The following ZC3H4 variants were observed in gnomAD, a reference collection of about 807,000 sequenced individuals.
The protein encoded by ZC3H4 is zinc finger CCCH domain-containing protein 4.
A neutral mutation model predicts 108.3 loss-of-function variants in ZC3H4; 13 were observed. That is an observed-to-expected ratio of 0.12 (90% CI 0.08 to 0.19). The LOEUF is 0.19. Among genes scored for constraint, ZC3H4 ranks in the 10% least tolerant of loss-of-function variants. ZC3H4 has a pLI of 1.00. For synonymous variants in ZC3H4, 917 were observed against 749.6 expected (o/e 1.22, Z -3.65); for missense variants, 1,734 against 1,838.8 (o/e 0.94, Z 1.04).
intron 2 of ZC3H4, among the ~76,000 whole-genome samples, chr19:47,097,609 G>A (rs1054876815): frequency 6.6e-6 from 1 of 152,168 alleles, no homozygotes; most frequent in East Asian, 1.9e-4. Flanking sequence ...GGCCACCAGC[G>A]CGACGGCACA....
In ZC3H4 at chr19:47,072,649, T is replaced by A; in HGVS notation, c.1505A>T (p.Gln502Leu). ...CGGTTTGGGCAGGGGGTTGATGCCC[T>A]GCTTCTTCAGTTCCTCCACCTCCTT... ...DEKEVEELKK[Q>L]GINPLPKPPP... is the part of the protein sequence containing the mutation. Residue 502 changes from glutamine to leucine, a missense_variant, in exon 12 of 15, where the codon CAG (glutamine) becomes CTG (leucine). Physicochemically the swap from Gln to Leu is moderately radical, Grantham distance 113. Coordinates refer to ENST00000253048, the MANE Select transcript of ZC3H4 (RefSeq NM_015168.2). The surrounding 1 kb of genome is among the most constrained non-coding windows in gnomAD (Gnocchi z 5.6). The A allele has an allele frequency of 1.2e-6, 2 of 1,613,472 alleles. No individual in the cohort carries two copies. Among genetic ancestry groups the A allele is most frequent in the Non-Finnish European group, 8.5e-7 (1 of 1,179,950 alleles).
chr19:47,072,621 G>A lies in ZC3H4; in HGVS notation c.1533C>T (p.Pro511=), dbSNP rs371387941. The part of the protein sequence containing the change: ...KQGINPLPKP[P]PGVGLLPTPP... ...GGGTGGGCAGGAGGCCCACACCAGGGGGCGGTTTGGGCAGGGGGTTGATGC... is the reference window on the plus strand; with the variant it reads ...GGGTGGGCAGGAGGCCCACACCAGGAGGCGGTTTGGGCAGGGGGTTGATGC... The change falls in exon 12 of 15, where the codon CCC becomes CCT. Residue 511 remains proline (P), a synonymous_variant. Coordinates refer to ENST00000253048, the MANE Select transcript of ZC3H4 (RefSeq NM_015168.2). This position sits in a 1 kb window ranked among gnomAD's most constrained non-coding sequence, Gnocchi z 5.6. The A allele has an allele frequency of 5.8e-5, 93 of 1,611,248 alleles. No individual in the cohort carries two copies. The highest frequency in any genetic ancestry group is 7.0e-5 in the Non-Finnish European group (82 of 1,179,302).
Position 47,102,606 on chromosome 19 carries a change from G to A in ZC3H4, c.162-7998C>T, listed in dbSNP as rs370789779. 2.0e-4 allele frequency among the ~76,000 whole-genome samples: 30 copies of A among 152,194 alleles called. No individual in the cohort carries two copies. The East Asian group carries it at 4.6e-3, about 23-fold the overall frequency. On this transcript the variant is annotated intron_variant, in intron 2 of 14. Transcript: ENST00000253048. ...AACACAAGCACTTAGCAGGAACCTTGCCCAGAATAAATGCTTAGGAGTAAA... is the reference window on the plus strand; with the variant it reads ...AACACAAGCACTTAGCAGGAACCTTACCCAGAATAAATGCTTAGGAGTAAA...
intron 11 of ZC3H4, among the ~76,000 whole-genome samples, chr19:47,076,323 G>A (rs73943614): frequency 0.055 from 4,058 of 74,016 alleles, 150 homozygotes; most frequent in African/African-American, 0.14. Flanking sequence ...GTGCGCGCGC[G>A]CGCACACACA....
intron 3 of ZC3H4, 31 bp from the exon 4 acceptor site, chr19:47,094,111 C>T (rs755731633): frequency 7.5e-6 from 12 of 1,605,244 alleles, no homozygotes; most frequent in Non-Finnish European, 1.0e-5. Flanking sequence ...GACTCAGCAA[C>T]CTGCCACAGG....
In ZC3H4 at chr19:47,112,475, C is replaced by G; in HGVS notation, c.110G>C (p.Arg37Pro). Residue 37 changes from arginine to proline, a missense_variant, in exon 2 of 15, where the codon CGC becomes CCC. Around this residue, in one of 9 missense-constraint regions of ZC3H4, gnomAD observed 112 missense variants for 73.3 expected, o/e 1.53. Transcript: ENST00000253048. ...PSPPPCSPDA[R>P]PATPHLLHHR... ...GTGGAGGAGGTGCGGGGTGGCCGGG[C>G]GGGCGTCGGGGGAACACGGAGGAGG... is the stretch of plus-strand genomic sequence containing the variant. 4 of 928,708 alleles carry G rather than the reference C, an allele frequency of 4.3e-6. No homozygotes were observed. The highest frequency in any genetic ancestry group is 5.7e-6 in the Non-Finnish European group (4 of 704,088). 57.5% of individuals were successfully genotyped at this position (928,708 alleles called of 1,614,324 possible).
rs892918274 is a variant in ZC3H4, at chr19:47,079,535, C to A, written c.1440+1978G>T. Among the ~76,000 whole-genome samples, 5 of 151,968 alleles carry A rather than the reference C, an allele frequency of 3.3e-5. No homozygotes were observed. The South Asian group carries it at 1.0e-3, about 32-fold the overall frequency. ...GAGATCAGTGAGTCCTCCCAAGGAG[C>A]CGTGAGGCCTGACTGGCCACTGCTT... is the stretch of plus-strand genomic sequence containing the variant. On this transcript the variant is annotated intron_variant, in intron 11 of 14. Transcript: ENST00000253048.
chr19:47,109,978 T>C lies in ZC3H4; in HGVS notation c.161+2446A>G, dbSNP rs2058017622. ...GGGGACTGGGGGCTGGAGGAGGTGTTCCCTCCAACATGACTGGGCGTGTAA... is the reference window on the plus strand; with the variant it reads ...GGGGACTGGGGGCTGGAGGAGGTGTCCCCTCCAACATGACTGGGCGTGTAA... On this transcript the variant is annotated intron_variant, in intron 2 of 14. Transcript: ENST00000253048. Among the ~76,000 whole-genome samples, 3 of 152,088 alleles carry C rather than the reference T, an allele frequency of 2.0e-5. No individual in the cohort carries two copies. In the South Asian group the frequency reaches 6.2e-4, roughly 32 times the overall value.
intron 4 of ZC3H4, among the ~76,000 whole-genome samples, chr19:47,091,197 G>A (rs913078710): frequency 1.3e-5 from 2 of 152,134 alleles, no homozygotes; most frequent in Admixed American, 6.5e-5. Flanking sequence ...GCTTGAACCC[G>A]CGAGGCAGAG....
At chr19:47,096,963 G>A in intron 2 of ZC3H4, 4 of 985,384 alleles carry the variant, frequency 4.1e-6, no homozygotes, top group Non-Finnish European at 4.8e-6. Context: ...GTCAGCTGAG[G>A]CCTCCTTCCC....
At chr19:47,102,032 T>A (rs916562388) in intron 2 of ZC3H4, among the ~76,000 whole-genome samples, 3 of 151,796 alleles carry the variant, frequency 2.0e-5, no homozygotes, top group African/African-American at 7.3e-5. Flanking sequence ...AGACTTCGTC[T>A]CAAAAAAAAA....
rs2057328966 is a variant in ZC3H4 at position 47,071,741 on chromosome 19, T to C, written c.2146+37A>G. 3.9e-6 allele frequency: 6 copies of C among 1,555,396 alleles called. No individual in the cohort carries two copies. The East Asian group carries it at 1.3e-4, about 35-fold the overall frequency. On this transcript the variant is annotated intron_variant, in intron 13 of 14. Transcript: ENST00000253048. ...CAACTCTGCTCCACTGGGTAAAGCC[T>C]GCAGCCCCAGGCAGCCACACCTGGA...
intron 2 of ZC3H4, among the ~76,000 whole-genome samples, chr19:47,100,517 C>A (rs1308695067): frequency 6.6e-6 from 1 of 151,626 alleles, no homozygotes; most frequent in African/African-American, 2.4e-5. Context: ...GTACCCTGTA[C>A]CCTACACCCT....
chr19:47,080,415 T>C (rs2057500050), intron 11 of ZC3H4, among the ~76,000 whole-genome samples: 1 of 152,184 alleles, frequency 6.6e-6, no homozygotes, highest in Non-Finnish European at 1.5e-5. Flanking sequence ...TAATGCATAA[T>C]GGGGGCCCTG....
chr19:47,103,351 G>A (rs2057926965), intron 2 of ZC3H4, among the ~76,000 whole-genome samples: 1 of 152,114 alleles, frequency 6.6e-6, no homozygotes, highest in South Asian at 2.1e-4. Flanking sequence ...CACCCAGGCT[G>A]GAGTGCAGTG....
rs913364939 is a variant in ZC3H4 at position 47,067,058 on chromosome 19, G to A, written c.3210C>T (p.Asp1070=). 31 of 1,608,398 alleles carry A rather than the reference G, an allele frequency of 1.9e-5. 1 individual carries two copies. The highest frequency in any genetic ancestry group is 2.5e-5 in the Non-Finnish European group (29 of 1,177,540). Residue 1070 remains aspartate, a synonymous_variant, in exon 15 of 15, where the codon GAC becomes GAT. Coordinates refer to ENST00000253048, the MANE Select transcript of ZC3H4 (RefSeq NM_015168.2). This position sits in a 1 kb window ranked among gnomAD's most constrained non-coding sequence, Gnocchi z 6.4. ...CGGTGGGGGCCTTCCGCACCCGGGG[G>A]TCACTGGGTTTGTCGCTGGAACCGG... is the stretch of plus-strand genomic sequence containing the variant. ...AAPGSSDKPS[D]PRVRKAPTDP...
At chr19:47,098,307 C>T (rs776607690) in intron 2 of ZC3H4, among the ~76,000 whole-genome samples, 18 of 151,218 alleles carry the variant, frequency 1.2e-4, no homozygotes, top group Non-Finnish European at 2.5e-4. Context: ...CTGGCCAACA[C>T]GGCAAAACCT....
intron 11 of ZC3H4, among the ~76,000 whole-genome samples, chr19:47,076,582 G>A (rs1034906129): frequency 5.3e-5 from 8 of 152,206 alleles, no homozygotes; most frequent in African/African-American, 1.4e-4. Context: ...CAGGCCAAGC[G>A]CAGTGGCTCA....
rs1157758717 is a variant in ZC3H4 at position 47,066,462 on chromosome 19, C to T, written c.3806G>A (p.Ser1269Asn). The T allele has an allele frequency of 1.3e-6, 2 of 1,580,678 alleles. No individual in the cohort carries two copies. Among genetic ancestry groups the T allele is most frequent in the Non-Finnish European group, 8.6e-7 (1 of 1,163,734 alleles). The change falls in exon 15 of 15, where the codon AGC becomes AAC. Residue 1269 changes from serine to asparagine, a missense_variant. This residue lies in a region of ZC3H4 where 518 missense variants were observed against 499.6 expected (regional missense o/e 1.04). Transcript: ENST00000253048. Reference sequence around the variant, plus strand: ...GGCCGGACTGTTCCCAGCAAATGGGCTTCCTGAGCCCGTCTTGGGTGTCTG... The same window carrying T: ...GGCCGGACTGTTCCCAGCAAATGGGTTTCCTGAGCCCGTCTTGGGTGTCTG... ...VKQTPKTGSGSPFAGNSPARE... is the reference protein window; with the variant it reads ...VKQTPKTGSGNPFAGNSPARE...
Sources: allele counts gnomAD v4.1 joint callset (sites outside exome capture counted in the v4.1 genomes callset), GRCh38; gene constraint gnomAD v4.1.1; regional missense constraint gnomAD v4.1.1; non-coding constraint Gnocchi (gnomAD v3.1); transcripts MANE v1.5; gene names NCBI Gene and HGNC (gene_info 2026-07-23, HGNC 2026-07-21).